Variants in GRPEL2 observed in about 807,000 individuals in gnomAD.
GRPEL2 encodes the protein grpE protein homolog 2, mitochondrial.
GRPEL2 carries 18 observed loss-of-function variants against 25.9 expected under a neutral mutation model. That is an observed-to-expected ratio of 0.70 (90% confidence interval 0.48 to 1.03). GRPEL2 has a LOEUF of 1.03. Among genes scored for constraint, GRPEL2 ranks in the 50% least tolerant of loss-of-function variants. The pLI, the probability that GRPEL2 is intolerant of heterozygous loss-of-function variation, is 0.00. For synonymous variants in GRPEL2, 106 were observed against 107.9 expected (o/e 0.98, Z 0.11); for missense variants, 247 against 276.2 (o/e 0.89, Z 0.75).
intron 1 of GRPEL2, among the ~76,000 whole-genome samples, chr5:149,346,305 A>G (rs967669380): frequency 1.3e-5 from 2 of 152,196 alleles, no homozygotes; most frequent in Non-Finnish European, 2.9e-5. Context: ...ATTTTCTCAG[A>G]GACTGTTGCC....
chr5:149,348,513 T>G, intron 2 of GRPEL2, 88 bp downstream of exon 2: 2 of 1,104,340 alleles, frequency 1.8e-6, no homozygotes, highest in Non-Finnish European at 1.3e-6. Flanking sequence ...CAAAATGAAG[T>G]TTTCTTTAAT....
At position 149,353,955 on chromosome 5, in the gene GRPEL2, G is replaced by A. The variant is rs1438356843; in HGVS notation, c.*2673G>A. 1 of 152,190 alleles carries A rather than the reference G, an allele frequency of 6.6e-6. No individual in the cohort carries two copies. Among genetic ancestry groups the A allele is most frequent in the East Asian group, 1.9e-4 (1 of 5,198 alleles). The allele number at this position is 152,190 out of a possible 1,614,324, so 9.4% of individuals were successfully genotyped here. ...ATGATTATAATAATTCTTTCACAGC[G>A]TTGTGAGGATTAAGTGAAATGTGTT... On this transcript the variant is annotated 3_prime_UTR_variant, in exon 4 of 4. Coordinates refer to ENST00000329271, the MANE Select transcript of GRPEL2 (RefSeq NM_152407.4).
intron 1 of GRPEL2, 158 bp from the exon 2 acceptor site, chr5:149,348,114 G>A (rs77016963): frequency 2.5e-4 from 147 of 591,198 alleles, no homozygotes; most frequent in African/African-American, 2.3e-3. Flanking sequence ...ACAGTGTCTG[G>A]TACATGGTAA....
chr5:149,349,796 T>A (rs1305648075), intron 3 of GRPEL2, 61 bp downstream of exon 3: 1 of 1,224,852 alleles, frequency 8.2e-7, no homozygotes, highest in Non-Finnish European at 1.2e-6. Context: ...ATGCCTGTAA[T>A]CCCAGCACTT....
intron 1 of GRPEL2, among the ~76,000 whole-genome samples, chr5:149,346,028 G>C (rs1757683597): frequency 1.3e-5 from 2 of 152,210 alleles, no homozygotes; most frequent in African/African-American, 2.4e-5. Context: ...AGTAAAAGGA[G>C]GCCGCTGAAC....
chr5:149,351,566 T>C lies in GRPEL2; in HGVS notation c.*284T>C. 1 of 289,046 alleles carries C rather than the reference T, an allele frequency of 3.5e-6. No homozygotes were observed. Among genetic ancestry groups the C allele is most frequent in the Non-Finnish European group, 6.6e-6 (1 of 152,250 alleles). 17.9% of individuals were successfully genotyped at this position (289,046 alleles called of 1,614,324 possible). A position where few individuals can be genotyped will look rare whatever the true frequency, so the allele number is the denominator to read the frequency against. The stretch of plus-strand genomic sequence containing the variant: ...TGTGATAAATTTGAATCCAAAATCC[T>C]TTTAACTATGGGTTTTCAACTACAT... On this transcript the variant is annotated 3_prime_UTR_variant, in exon 4 of 4. Coordinates refer to ENST00000329271, the MANE Select transcript of GRPEL2 (RefSeq NM_152407.4).
chr5:149,345,528 C>T lies in GRPEL2; in HGVS notation c.-12C>T. On this transcript the variant is annotated 5_prime_UTR_variant, in exon 1 of 4. Transcript: ENST00000329271. Reference sequence around the variant, plus strand: ...AGTGCGCGTGCGCTGCCTCTCAGCCCAAATTGGAAACATGGCCGTACGGTC... The same window carrying T: ...AGTGCGCGTGCGCTGCCTCTCAGCCTAAATTGGAAACATGGCCGTACGGTC... The T allele has an allele frequency of 6.2e-7, 1 of 1,609,216 alleles. No individual in the cohort carries two copies. Among genetic ancestry groups the T allele is most frequent in the Non-Finnish European group, 8.5e-7 (1 of 1,178,022 alleles).
chr5:149,348,777 C>T (rs779146095), intron 2 of GRPEL2, among the ~76,000 whole-genome samples: 11 of 152,008 alleles, frequency 7.2e-5, no homozygotes, highest in Non-Finnish European at 1.5e-4. Context: ...CTGATGAGAC[C>T]ATGTCTGGCA....
chr5:149,347,076 G>A (rs1757702764), intron 1 of GRPEL2, among the ~76,000 whole-genome samples: 1 of 152,054 alleles, frequency 6.6e-6, no homozygotes, highest in Admixed American at 6.5e-5. Context: ...GGTTTTTTTA[G>A]GGAGAAGATG....
intron 3 of GRPEL2, 69 bp downstream of exon 3, chr5:149,349,804 C>T (rs1415387800): frequency 9.1e-7 from 1 of 1,103,338 alleles, no homozygotes. Context: ...AATCCCAGCA[C>T]TTTGAGAGTC....
At chr5:149,345,655 CTG>C (rs1418531122) in intron 1 of GRPEL2, 39 bp downstream of exon 1, 3 of 1,535,922 alleles carry the variant, frequency 2.0e-6, no homozygotes, top group East Asian at 2.3e-5. Context: ...CGTGAGGACT[CTG>C]AGGGGCTAGC....
chr5:149,348,367 CT>C lies in GRPEL2; in HGVS notation c.174del (p.Glu59AsnfsTer4), dbSNP rs1185393165. The stretch of plus-strand genomic sequence containing the variant: ...CCTGATGAGCTTGGGCCCCCTCTTG[CT>C]GAACGAGCCTTAAGGGTAAAAGCTG... ...DPPDELGPPL[A>X]ERALRVKAVK... is the part of the protein sequence containing the mutation. On this transcript the variant is annotated frameshift_variant, in exon 2 of 4. Transcript: ENST00000329271. LOFTEE classifies it high-confidence loss of function. 3.1e-6 allele frequency: 5 copies of C among 1,613,550 alleles called. No individual in the cohort carries two copies. The highest frequency in any genetic ancestry group is 4.2e-6 in the Non-Finnish European group (5 of 1,179,874).
In GRPEL2 at chr5:149,348,395, T is replaced by TGG. The variant is rs760501929; in HGVS notation, c.201_202insGG (p.Lys68GlyfsTer10). The TGG allele has an allele frequency of 6.2e-7, 1 of 1,611,454 alleles. No homozygotes were observed. Among genetic ancestry groups the TGG allele is most frequent in the East Asian group, 2.2e-5 (1 of 44,818 alleles). ...AACGAGCCTTAAGGGTAAAAGCTGTTAAACTGGAGAAAGAAGTCCAAGATT... is the reference window on the plus strand; with the variant it reads ...AACGAGCCTTAAGGGTAAAAGCTGTTGGAAACTGGAGAAAGAAGTCCAAGATT... On this transcript the variant is annotated frameshift_variant, in exon 2 of 4. Transcript: ENST00000329271. LOFTEE classifies it high-confidence loss of function.
In GRPEL2 at chr5:149,352,110, ACTC is replaced by A. The variant is rs2127610339; in HGVS notation, c.*832_*834del. ...CCTACAACTTATTCCACCAGCCTTT[ACTC>A]CTCTGCCCTTTTGTCAATTTTACCT... On this transcript the variant is annotated 3_prime_UTR_variant, in exon 4 of 4. Transcript: ENST00000329271. 1 of 151,886 alleles carries A rather than the reference ACTC, an allele frequency of 6.6e-6. No homozygotes were observed. Among genetic ancestry groups the A allele is most frequent in the Non-Finnish European group, 1.5e-5 (1 of 67,960 alleles). The allele number at this position is 151,886 out of a possible 1,614,324, so 9.4% of individuals were successfully genotyped here.
rs1436293220 is a variant in GRPEL2 at position 149,345,809 on chromosome 5, TTC to T, written c.77+195_77+196del. On this transcript the variant is annotated intron_variant, in intron 1 of 3. Transcript: ENST00000329271. ...AACTGAGGCCATCAGCCGTGCCTCT[TTC>T]TTAGGCCGAGGAAGGTAAGGAGATC... The T allele has an allele frequency of 5.0e-6, 3 of 603,200 alleles. No homozygotes were observed. The African/African-American group carries it at 5.6e-5, about 11-fold the overall frequency. The allele number at this position is 603,200 out of a possible 1,614,324, so 37.4% of individuals were successfully genotyped here. A position where few individuals can be genotyped will look rare whatever the true frequency, so the allele number is the denominator to read the frequency against.
Position 149,345,602 on chromosome 5 carries a change from C to T in GRPEL2, c.63C>T (p.Ala21=), listed in dbSNP as rs1346445405. 1 of 1,610,464 alleles carries T rather than the reference C, an allele frequency of 6.2e-7. No homozygotes were observed. The highest frequency in any genetic ancestry group is 8.5e-7 in the Non-Finnish European group (1 of 1,178,764). ...TGCAGCGCCTACTGGCCTGGAGTGC[C>T]GCGTGGGAGAGCAAGTAAGCATTGC... is the stretch of plus-strand genomic sequence containing the variant. ...LRVQRLLAWS[A]AWESKGWPLP... Residue 21 remains alanine (A), a synonymous_variant, in exon 1 of 4, where the codon GCC becomes GCT. Transcript: ENST00000329271.
rs1437397074 is a variant in GRPEL2, at chr5:149,345,761, C to G, written c.77+145C>G. On this transcript the variant is annotated intron_variant, in intron 1 of 3. Transcript: ENST00000329271. The stretch of plus-strand genomic sequence containing the variant: ...CTCGGCCTCTACGACCGTGCACTCA[C>G]GGCCCCATTTTACAGACGGGGAAAC... 7.6e-6 allele frequency: 5 copies of G among 659,516 alleles called. No individual in the cohort carries two copies. In the African/African-American group the frequency reaches 9.2e-5, roughly 12 times the overall value. The allele number at this position is 659,516 out of a possible 1,614,324, so 40.9% of individuals were successfully genotyped here.
chr5:149,347,976 A>G (rs933562244), intron 1 of GRPEL2: 30 of 242,582 alleles, frequency 1.2e-4, no homozygotes, highest in African/African-American at 6.1e-4. Context: ...CGGAATACCA[A>G]CTATGTGATC....
rs778482092 is a variant in GRPEL2 at position 149,352,584 on chromosome 5, G to A, written c.*1302G>A. 2.0e-5 allele frequency: 3 copies of A among 151,814 alleles called. No individual in the cohort carries two copies. The highest frequency in any genetic ancestry group is 2.9e-5 in the Non-Finnish European group (2 of 67,970). 9.4% of individuals were successfully genotyped at this position (151,814 alleles called of 1,614,324 possible). A position where few individuals can be genotyped will look rare whatever the true frequency, so the allele number is the denominator to read the frequency against. ...TATATATTAACCTCTAGAATTAATG[G>A]GCCTATGTGGTTTTTTTTCAGTCTT... On this transcript the variant is annotated 3_prime_UTR_variant, in exon 4 of 4. Coordinates refer to ENST00000329271, the MANE Select transcript of GRPEL2 (RefSeq NM_152407.4).
Sources: gnomAD v4.1 joint callset for allele counts (sites outside exome capture counted in the v4.1 genomes callset) on GRCh38, gnomAD v4.1.1 for gene constraint, MANE v1.5 for transcripts, NCBI Gene and HGNC (gene_info 2026-07-23, HGNC 2026-07-21) for gene names.